The following SEPTIN7 variants were observed in gnomAD, a reference collection of about 807,000 sequenced individuals.
SEPTIN7 encodes septin-7.
Under a neutral mutation model 63.3 loss-of-function variants are expected in SEPTIN7, and 10 were observed. The observed-to-expected ratio is 0.16, with a 90% confidence interval of 0.10 to 0.27. The LOEUF (loss-of-function observed/expected upper bound fraction) is 0.27, where lower values mean the gene tolerates loss of function less well. Among genes scored for constraint, SEPTIN7 ranks in the 10% least tolerant of loss-of-function variants. SEPTIN7 has a pLI of 1.00. For missense variants in SEPTIN7, 310 were observed against 521.0 expected (o/e 0.59, Z 3.94); for synonymous variants, 131 against 165.3 (o/e 0.79, Z 1.59).
At chr7:35,816,966 TA>T (rs1412534266) in intron 1 of SEPTIN7, among the ~76,000 whole-genome samples, 1 of 152,124 alleles carries the variant, frequency 6.6e-6, no homozygotes, top group African/African-American at 2.4e-5. Flanking sequence ...ATAAGTCCTT[TA>T]TCATATAGAA....
At chr7:35,870,764 C>A (rs1274819027) in intron 4 of SEPTIN7, among the ~76,000 whole-genome samples, 2 of 148,896 alleles carry the variant, frequency 1.3e-5, no homozygotes, top group African/African-American at 5.0e-5. Context: ...AGGAGTGAGG[C>A]TGCAGTAAGC....
chr7:35,867,173 A>AT (rs1322357108), intron 4 of SEPTIN7, among the ~76,000 whole-genome samples: 17 of 152,248 alleles, frequency 1.1e-4, no homozygotes, highest in African/African-American at 4.1e-4. Context: ...TATTTTTCCA[A>AT]AAGATTGATG....
At chr7:35,915,144 C>T in the SEPTIN7 span, among the ~76,000 whole-genome samples, 1 of 151,858 alleles carries the variant, frequency 6.6e-6, no homozygotes, top group Non-Finnish European at 1.5e-5. Context: ...TGCATATACA[C>T]ATGTATACAT....
Position 35,904,780 on chromosome 7 carries a change from C to G in SEPTIN7, c.*487C>G, listed in dbSNP as rs1419858987. The G allele has an allele frequency of 1.5e-5, 2 of 137,924 alleles. No homozygotes were observed. Among genetic ancestry groups the G allele is most frequent in the African/African-American group, 2.7e-5 (1 of 37,398 alleles). 8.5% of individuals were successfully genotyped at this position (137,924 alleles called of 1,614,324 possible). On this transcript the variant is annotated 3_prime_UTR_variant, in exon 14 of 14. Coordinates refer to ENST00000350320, the MANE Select transcript of SEPTIN7 (RefSeq NM_001788.6). ...ACACAGTTGACCCTATTTTTTGACA[C>G]TTCCATTGTTTAAAAATACACATGG...
chr7:35,842,024 C>T (rs934411199), intron 3 of SEPTIN7, among the ~76,000 whole-genome samples: 7 of 152,262 alleles, frequency 4.6e-5, no homozygotes, highest in African/African-American at 1.7e-4. Flanking sequence ...TACAGTCTAG[C>T]ACCAAAGGAG....
intron 10 of SEPTIN7, chr7:35,888,957 C>A: frequency 3.8e-6 from 1 of 261,380 alleles, no homozygotes. Context: ...CAGCTTCAAT[C>A]TTGAGTTATG....
intron 3 of SEPTIN7, among the ~76,000 whole-genome samples, chr7:35,843,216 A>C (rs1023963227): frequency 5.9e-5 from 9 of 152,246 alleles, no homozygotes; most frequent in African/African-American, 1.9e-4. Context: ...GATTAGTGTA[A>C]TTAAGGGGGA....
chr7:35,808,188 G>C (rs1562730865), intron 1 of SEPTIN7, among the ~76,000 whole-genome samples: 1 of 151,712 alleles, frequency 6.6e-6, no homozygotes, highest in Non-Finnish European at 1.5e-5. Flanking sequence ...AGGTTAAACA[G>C]AGAGATACAG....
intron 11 of SEPTIN7, among the ~76,000 whole-genome samples, chr7:35,891,164 T>G (rs1163553484): frequency 1.3e-5 from 2 of 152,200 alleles, no homozygotes; most frequent in African/African-American, 2.4e-5. Flanking sequence ...AGCTTTGCCC[T>G]GTTGAGCTTA....
At chr7:35,838,242 T>C (rs1197593478) in intron 3 of SEPTIN7, among the ~76,000 whole-genome samples, 7 of 4,408 alleles carry the variant, frequency 1.6e-3, no homozygotes, top group African/African-American at 3.8e-3. Context: ...CCAAACTTCC[T>C]TCCTTCCTTC....
Position 35,820,341 on chromosome 7 carries a change from G to A in SEPTIN7, c.62-11151G>A, listed in dbSNP as rs1281181381. Among the ~76,000 whole-genome samples the A allele has an allele frequency of 9.2e-5, 14 of 152,002 alleles. No individual in the cohort carries two copies. The South Asian group carries it at 1.7e-3, about 18-fold the overall frequency. On this transcript the variant is annotated intron_variant, in intron 1 of 13. Transcript: ENST00000350320. ...TTCTGTTTCTTCAAATATACATTCT[G>A]CCCCTTCCTTCCTAAACCCACCCCT...
At chr7:35,897,517 TTTTAA>T (rs1788027439) in intron 11 of SEPTIN7, among the ~76,000 whole-genome samples, 1 of 152,222 alleles carries the variant, frequency 6.6e-6, no homozygotes, top group Admixed American at 6.5e-5. Context: ...ACATTTTTTT[TTTTAA>T]TTTAACTATG....
At chr7:35,911,516 A>G (rs1405407566), downstream of SEPTIN7, among the ~76,000 whole-genome samples, 2 of 152,176 alleles carry the variant, frequency 1.3e-5, no homozygotes, top group Non-Finnish European at 2.9e-5. Flanking sequence ...AATGATTCCT[A>G]TGGAATCATT....
rs144497049 is a variant in SEPTIN7 at position 35,878,083 on chromosome 7, T to C, written c.513-1740T>C. Among the ~76,000 whole-genome samples the C allele has an allele frequency of 4.6e-5, 7 of 152,160 alleles. No individual in the cohort carries two copies. The East Asian group carries it at 1.4e-3, about 29-fold the overall frequency. On this transcript the variant is annotated intron_variant, in intron 6 of 13. Coordinates refer to ENST00000350320, the MANE Select transcript of SEPTIN7 (RefSeq NM_001788.6). ...GTATTGCTTGCACACTATCAGAAAG[T>C]TGAAAAATTGTTAAGTGGAACCATA...
intron 3 of SEPTIN7, among the ~76,000 whole-genome samples, chr7:35,851,614 GT>G (rs1207653315): frequency 6.6e-6 from 1 of 152,098 alleles, no homozygotes; most frequent in African/African-American, 2.4e-5. Context: ...GATTTGGGTT[GT>G]TTCCACAGAT....
At chr7:35,824,963 G>A (rs1414138132) in intron 1 of SEPTIN7, among the ~76,000 whole-genome samples, 1 of 151,916 alleles carries the variant, frequency 6.6e-6, no homozygotes, top group Non-Finnish European at 1.5e-5. Flanking sequence ...GCTACATTTC[G>A]AGTACTCAGT....
In SEPTIN7 at chr7:35,906,723, C is replaced by G. The variant is rs1488463856; in HGVS notation, c.*2430C>G. Reference sequence around the variant, plus strand: ...ATTTCTGTGTAGCTCAGGCTGTAATCTTGAAAGCTGAGGAGATACCCATGC... The same window carrying G: ...ATTTCTGTGTAGCTCAGGCTGTAATGTTGAAAGCTGAGGAGATACCCATGC... On this transcript the variant is annotated 3_prime_UTR_variant, in exon 14 of 14. Coordinates refer to ENST00000350320, the MANE Select transcript of SEPTIN7 (RefSeq NM_001788.6). 1.3e-5 allele frequency: 2 copies of G among 152,214 alleles called. No homozygotes were observed. The highest frequency in any genetic ancestry group is 2.9e-5 in the Non-Finnish European group (2 of 68,052). The allele number at this position is 152,214 out of a possible 1,614,324, so 9.4% of individuals were successfully genotyped here.
In SEPTIN7 at chr7:35,906,660, C is replaced by T. The variant is rs2116415655; in HGVS notation, c.*2367C>T. 6.6e-6 allele frequency: 1 copy of T among 152,306 alleles called. No homozygotes were observed. The highest frequency in any genetic ancestry group is 1.9e-4 in the East Asian group (1 of 5,190). The allele number at this position is 152,306 out of a possible 1,614,324, so 9.4% of individuals were successfully genotyped here. On this transcript the variant is annotated 3_prime_UTR_variant, in exon 14 of 14. Coordinates refer to ENST00000350320, the MANE Select transcript of SEPTIN7 (RefSeq NM_001788.6). ...TAGTGGAATGGGATATCATTGCTTC[C>T]ATATCAGGTTCACAAGCAAGTTAAG...
At position 35,856,537 on chromosome 7, in the gene SEPTIN7, G is replaced by C. The variant is rs143711136; in HGVS notation, c.170-7015G>C. On this transcript the variant is annotated intron_variant, in intron 3 of 13. Transcript: ENST00000350320. ...GTGTCCTCACTGCTCTTAAAGATCA[G>C]ATTTGTTCAGCTTTTTACTTCTTAG... 5.6e-4 allele frequency among the ~76,000 whole-genome samples: 86 copies of C among 152,328 alleles called. 1 individual carries two copies. Among genetic ancestry groups the C allele is most frequent in the African/African-American group, 2.0e-3 (85 of 41,578 alleles).
Sources: gnomAD v4.1 joint callset for allele counts (sites outside exome capture counted in the v4.1 genomes callset) on GRCh38, gnomAD v4.1.1 for gene constraint, MANE v1.5 for transcripts, NCBI Gene and HGNC (gene_info 2026-07-23, HGNC 2026-07-21) for gene names.